MED13L: variants seen among roughly 807,000 people sequenced by gnomAD.
MED13L encodes mediator complex subunit 13L.
In MED13L, 7 loss-of-function variants were observed where a neutral mutation model predicts 220.9. The ratio of observed to expected loss-of-function variants is 0.03; its 90% CI spans 0.02 to 0.06. The LOEUF is 0.06. Among genes scored for constraint, MED13L ranks in the 10% least tolerant of loss-of-function variants. The probability of loss-of-function intolerance (pLI) is 1.00; values close to 1 mark genes in which losing one functional copy is unlikely to be tolerated. For synonymous variants in MED13L, 1,011 were observed against 1,015.2 expected, an observed-to-expected ratio of 1.00 and a Z score of 0.08; for missense variants, 1,965 against 2,760.5, an observed-to-expected ratio of 0.71 and a Z score of 6.46.
chr12:116,199,329 C>A (rs1022883222), intron 2 of MED13L, among the ~76,000 whole-genome samples: 3 of 152,184 alleles, frequency 2.0e-5, no homozygotes, highest in Non-Finnish European at 4.4e-5. Flanking sequence ...CAATCTCAGC[C>A]ATTTCTGCTT....
chr12:115,969,121 G>A (rs1876397616), intron 27 of MED13L, 24 bp from the exon 28 acceptor site: 1 of 1,610,588 alleles, frequency 6.2e-7, no homozygotes, highest in African/African-American at 1.3e-5. Flanking sequence ...GGGAAAAAAA[G>A]CACAAAAATT....
At chr12:115,986,123 A>G (rs1877672650) in intron 19 of MED13L, 143 bp downstream of exon 19, 2 of 846,098 alleles carry the variant, frequency 2.4e-6, no homozygotes, top group African/African-American at 1.7e-5. Flanking sequence ...AAAATTGGCC[A>G]ATTCAATTCT....
chr12:116,129,780 G>A (rs893293462), intron 2 of MED13L, among the ~76,000 whole-genome samples: 3 of 152,044 alleles, frequency 2.0e-5, no homozygotes, highest in Non-Finnish European at 4.4e-5. Context: ...ATGGTGGCGC[G>A]TGCCTGTAGT....
At chr12:116,078,013 A>G (rs1870936590) in intron 4 of MED13L, among the ~76,000 whole-genome samples, 1 of 151,836 alleles carries the variant, frequency 6.6e-6, no homozygotes, top group African/African-American at 2.4e-5. Flanking sequence ...GCATGGTGGC[A>G]CCTAACTGTA....
chr12:116,254,046 C>G (rs1466024535), intron 1 of MED13L, among the ~76,000 whole-genome samples: 1 of 151,934 alleles, frequency 6.6e-6, no homozygotes, highest in Non-Finnish European at 1.5e-5. Flanking sequence ...CAGGTGTGAG[C>G]CCAGCCACTT....
intron 1 of MED13L, among the ~76,000 whole-genome samples, chr12:116,240,594 G>T (rs1308190419): frequency 6.6e-6 from 1 of 150,972 alleles, no homozygotes; most frequent in Non-Finnish European, 1.5e-5. Flanking sequence ...GTGCAGTGGC[G>T]CGATCTCGGC....
chr12:116,017,691 C>G (rs1006214668), intron 7 of MED13L, among the ~76,000 whole-genome samples: 1 of 152,142 alleles, frequency 6.6e-6, no homozygotes, highest in Non-Finnish European at 1.5e-5. Flanking sequence ...TCTTGGCTCA[C>G]GGCAACCTCC....
chr12:116,018,239 T>C (rs1439451093), intron 7 of MED13L, among the ~76,000 whole-genome samples: 15 of 152,208 alleles, frequency 9.9e-5, no homozygotes, highest in Non-Finnish European at 2.2e-4. Context: ...GTAAACGATA[T>C]AGCCAGGTTT....
intron 4 of MED13L, among the ~76,000 whole-genome samples, chr12:116,028,566 A>G (rs903498438): frequency 6.6e-6 from 1 of 152,160 alleles, no homozygotes; most frequent in African/African-American, 2.4e-5. Context: ...CCTTAGATCA[A>G]TGCTGCCTTC....
intron 3 of MED13L, chr12:116,110,197 G>A (rs1220176534): frequency 6.6e-6 from 1 of 152,136 alleles, no homozygotes; most frequent in Non-Finnish European, 1.5e-5. Flanking sequence ...ATGCTCCAAC[G>A]ATGGGATCAT....
chr12:116,233,765 T>C (rs1218288959), intron 2 of MED13L, among the ~76,000 whole-genome samples: 8 of 152,208 alleles, frequency 5.3e-5, no homozygotes. Context: ...CTAGTGACTA[T>C]GCAAGCATTC....
intron 1 of MED13L, among the ~76,000 whole-genome samples, chr12:116,269,089 T>G (rs1873053772): frequency 6.6e-6 from 1 of 152,146 alleles, no homozygotes; most frequent in Admixed American, 6.6e-5. Context: ...TGAGACAGTC[T>G]CGTTCTGTCA....
At chr12:116,113,534 T>A (rs1172697308) in intron 2 of MED13L, among the ~76,000 whole-genome samples, 1 of 149,980 alleles carries the variant, frequency 6.7e-6, no homozygotes, top group Non-Finnish European at 1.5e-5. Context: ...GCACGCCTGT[T>A]GTCCCAACTA....
At chr12:116,272,257 A>G (rs1210507120) in intron 1 of MED13L, among the ~76,000 whole-genome samples, 1 of 152,158 alleles carries the variant, frequency 6.6e-6, no homozygotes, top group Non-Finnish European at 1.5e-5. Context: ...GAAAGTGGTA[A>G]GGAATACAAT....
At chr12:116,273,984 T>C (rs1227589807) in intron 1 of MED13L, among the ~76,000 whole-genome samples, 2 of 152,152 alleles carry the variant, frequency 1.3e-5, no homozygotes, top group Non-Finnish European at 2.9e-5. Flanking sequence ...AGTGAATATA[T>C]AAAAAGTCAC....
chr12:116,247,211 T>TTC (rs1871174946), intron 1 of MED13L, among the ~76,000 whole-genome samples: 1 of 151,940 alleles, frequency 6.6e-6, no homozygotes, highest in African/African-American at 2.4e-5. Flanking sequence ...TTTAATTGAA[T>TTC]TCTGTAAGAG....
chr12:116,006,543 GCAACCAAAGGAA>G, intron 11 of MED13L, 132 bp from the exon 12 acceptor site: 1 of 760,824 alleles, frequency 1.3e-6, no homozygotes, highest in Non-Finnish European at 2.3e-6. Flanking sequence ...CATGGTCTAT[GCAACCAAAGGAA>G]GTAAAAGATA....
At chr12:115,993,961 G>A (rs192458690) in intron 16 of MED13L, among the ~76,000 whole-genome samples, 4 of 152,278 alleles carry the variant, frequency 2.6e-5, no homozygotes, top group East Asian at 1.9e-4. Context: ...GGGTGATGGC[G>A]AGCAGAGACC....
At chr12:116,258,923 T>G (rs950892711) in intron 1 of MED13L, among the ~76,000 whole-genome samples, 8 of 151,612 alleles carry the variant, frequency 5.3e-5, no homozygotes, top group African/African-American at 1.9e-4. Flanking sequence ...TGAGGGTTTT[T>G]TTTTTTTTTT....
Sources: allele counts gnomAD v4.1 joint callset (sites outside exome capture counted in the v4.1 genomes callset), GRCh38; gene constraint gnomAD v4.1.1; transcripts MANE v1.5; gene names NCBI Gene and HGNC (gene_info 2026-07-23, HGNC 2026-07-21).